Variants in ENGASE observed in about 807,000 individuals in gnomAD.
The protein encoded by ENGASE is cytosolic endo-beta-N-acetylglucosaminidase.
In ENGASE, 69 loss-of-function variants were observed where a neutral mutation model predicts 78.5. That is an observed-to-expected ratio of 0.88 (90% CI 0.72 to 1.07). The LOEUF is 1.07. ENGASE is among the 50% of genes least tolerant of loss of function. ENGASE has a pLI of 0.00. For missense variants in ENGASE, 943 were observed against 988.4 expected, an observed-to-expected ratio of 0.95 and a Z score of 0.62; for synonymous variants, 408 against 408.9, an observed-to-expected ratio of 1.00 and a Z score of 0.03.
intron 13 of ENGASE, 52 bp from the exon 14 acceptor site, chr17:79,085,881 C>A: frequency 6.4e-7 from 1 of 1,573,628 alleles, no homozygotes; most frequent in Non-Finnish European, 8.6e-7. Context: ...CGTGGGGGCA[C>A]CCTCTCCCCG....
intron 11 of ENGASE, 47 bp downstream of exon 11, chr17:79,084,733 CAG>C (rs773100662): frequency 6.3e-7 from 1 of 1,597,990 alleles, no homozygotes; most frequent in Admixed American, 1.8e-5. Flanking sequence ...GCGGAGAGCT[CAG>C]GGAAGAGAAG....
chr17:79,077,628 C>A, intron 2 of ENGASE, 35 bp from the exon 3 acceptor site: 1 of 1,609,704 alleles, frequency 6.2e-7, no homozygotes, highest in Non-Finnish European at 8.5e-7. Flanking sequence ...ATAATAGTTT[C>A]CATTAATTGC....
At chr17:79,081,405 G>T (rs1481361798) in intron 6 of ENGASE, among the ~76,000 whole-genome samples, 1 of 152,300 alleles carries the variant, frequency 6.6e-6, no homozygotes, top group Non-Finnish European at 1.5e-5. Context: ...GGGAGGCTGA[G>T]GCAGGAGAAT....
rs1359511381 is a variant in ENGASE, at chr17:79,080,857, G to A, written c.724-68G>A. On this transcript the variant is annotated intron_variant, in intron 5 of 13. Coordinates refer to ENST00000579016, the MANE Select transcript of ENGASE (RefSeq NM_001042573.3). ...CTCTGCATCCCCCTGTCTGTCCAGCGCTGGATACTTCTCATGATAGATAGA... is the reference window on the plus strand; with the variant it reads ...CTCTGCATCCCCCTGTCTGTCCAGCACTGGATACTTCTCATGATAGATAGA... 8.4e-6 allele frequency: 13 copies of A among 1,545,682 alleles called. 1 individual carries two copies. The highest frequency in any genetic ancestry group is 6.8e-5 in the East Asian group (3 of 43,888).
Position 79,085,243 on chromosome 17 carries a change from G to A in ENGASE, c.1601G>A (p.Ser534Asn), listed in dbSNP as rs2073260465. ...GGISVLNAETSSRHSLRPLRV... is the reference protein window; with the variant it reads ...GGISVLNAETNSRHSLRPLRV... ...GTGTCTCCTTCTGCAGCAGAAACAA[G>A]CTCAAGACACAGCCTCCGACCCCTC... Residue 534 changes from serine to asparagine, a missense_variant, in exon 12 of 14, where the codon AGC (serine) becomes AAC (asparagine). Ser to Asn is a conservative substitution (Grantham distance 46). Transcript: ENST00000579016. 1.2e-6 allele frequency: 2 copies of A among 1,613,214 alleles called. No homozygotes were observed. Among genetic ancestry groups the A allele is most frequent in the South Asian group, 2.2e-5 (2 of 91,084 alleles).
chr17:79,075,771 CTG>C, intron 1 of ENGASE: 3 of 985,424 alleles, frequency 3.0e-6, no homozygotes, highest in Non-Finnish European at 3.6e-6. Flanking sequence ...AGTGAGACTG[CTG>C]AGCATTTCAG....
At position 79,084,177 on chromosome 17, in the gene ENGASE, C is replaced by T. The variant is rs1599347317; in HGVS notation, c.1442+226C>T. ...TAACTCTGCGTACGTTGCTACGTGA[C>T]AGATCCCTAGAACTGTGTCATCTTG... On this transcript the variant is annotated intron_variant, in intron 10 of 13. Transcript: ENST00000579016. 7.1e-6 allele frequency: 4 copies of T among 566,456 alleles called. 1 individual carries two copies. The East Asian group carries it at 9.3e-5, about 13-fold the overall frequency. The allele number at this position is 566,456 out of a possible 1,614,324, so 35.1% of individuals were successfully genotyped here.
intron 10 of ENGASE, 70 bp downstream of exon 10, chr17:79,084,021 C>A: frequency 7.2e-7 from 1 of 1,385,102 alleles, no homozygotes; most frequent in Non-Finnish European, 1.0e-6. Context: ...TGGAACTGGA[C>A]AGATGGGGCA....
rs571947044 is a variant in ENGASE at position 79,075,116 on chromosome 17, C to A, written c.146+26C>A. The stretch of plus-strand genomic sequence containing the variant: ...GTGGGGCTGCGGGGCCCGCGTGAAC[C>A]CCGATCCGCGGGGCTGAGAGTCCGT... On this transcript the variant is annotated intron_variant, in intron 1 of 13. Coordinates refer to ENST00000579016, the MANE Select transcript of ENGASE (RefSeq NM_001042573.3). 6.8e-5 allele frequency: 82 copies of A among 1,204,674 alleles called. No homozygotes were observed. In the African/African-American group the frequency reaches 1.2e-3, roughly 18 times the overall value. The allele number at this position is 1,204,674 out of a possible 1,614,324, so 74.6% of individuals were successfully genotyped here.
At chr17:79,081,402 T>C (rs1006767098) in intron 6 of ENGASE, among the ~76,000 whole-genome samples, 6 of 152,114 alleles carry the variant, frequency 3.9e-5, no homozygotes, top group African/African-American at 1.4e-4. Context: ...CTCGGGAGGC[T>C]GAGGCAGGAG....
At chr17:79,082,658 T>C in intron 7 of ENGASE, 1 of 1,305,862 alleles carries the variant, frequency 7.7e-7, no homozygotes, top group Non-Finnish European at 1.0e-6. Context: ...TAATTTAGCT[T>C]TAAATGAGTA....
rs372087729 is a variant in ENGASE, at chr17:79,086,034, C to T, written c.1917C>T (p.Pro639=). ...CATCCGCCTCTGAGCGGGAGGGGCCCCCTGCTCTGCTCCAGCTCAGCTGCA... is the reference window on the plus strand; with the variant it reads ...CATCCGCCTCTGAGCGGGAGGGGCCTCCTGCTCTGCTCCAGCTCAGCTGCA... ...WQPSASEREG[P]PALLQLSCTL... The change falls in exon 14 of 14, where the codon CCC becomes CCT. Residue 639 remains proline (P), a synonymous_variant. Transcript: ENST00000579016. 1,469 of 1,613,154 alleles carry T rather than the reference C, an allele frequency of 9.1e-4. 1 individual carries two copies. Among genetic ancestry groups the T allele is most frequent in the Non-Finnish European group, 1.2e-3 (1,391 of 1,180,040 alleles).
chr17:79,077,072 T>C (rs925844497), intron 1 of ENGASE, among the ~76,000 whole-genome samples: 9 of 152,164 alleles, frequency 5.9e-5, no homozygotes, highest in African/African-American at 2.2e-4. Context: ...GGTTTTGCCA[T>C]GTTGGCCAGG....
At chr17:79,079,950 C>T (rs537739566) in intron 4 of ENGASE, among the ~76,000 whole-genome samples, 8 of 152,262 alleles carry the variant, frequency 5.3e-5, no homozygotes, top group African/African-American at 9.6e-5. Context: ...GGCCCAAGGG[C>T]CACGGTTTGC....
intron 12 of ENGASE, 115 bp from the exon 13 acceptor site, chr17:79,085,505 G>A (rs1050004263): frequency 9.7e-5 from 142 of 1,460,582 alleles, no homozygotes; most frequent in Non-Finnish European, 1.2e-4. Flanking sequence ...TCGGCCTGGG[G>A]TCCCCCATGA....
rs374494890 is a variant in ENGASE at position 79,086,046 on chromosome 17, C to A, written c.1929C>A (p.Leu643=). The A allele has an allele frequency of 3.3e-5, 53 of 1,613,168 alleles. No homozygotes were observed. Among genetic ancestry groups the A allele is most frequent in the Non-Finnish European group, 4.2e-5 (50 of 1,180,046 alleles). ...ASEREGPPAL[L]QLSCTLHWSF... ...AGCGGGAGGGGCCCCCTGCTCTGCT[C>A]CAGCTCAGCTGCACCCTGCACTGGT... Residue 643 remains leucine (L), a synonymous_variant, in exon 14 of 14, where the codon CTC becomes CTA. Coordinates refer to ENST00000579016, the MANE Select transcript of ENGASE (RefSeq NM_001042573.3).
rs751846454 is a variant in ENGASE at position 79,080,349 on chromosome 17, C to T, written c.708C>T (p.Ile236=). Residue 236 remains isoleucine (I), a synonymous_variant, in exon 5 of 14, where the codon ATC becomes ATT. Transcript: ENST00000579016. The part of the protein sequence containing the change: ...FFRFDGWLIN[I]ENSLSLAAVG... The stretch of plus-strand genomic sequence containing the variant: ...GTTTTGATGGCTGGCTGATCAACAT[C>T]GAGAACTCGCTGAGTGTGAGTGCCC... 3.6e-5 allele frequency: 58 copies of T among 1,613,288 alleles called. No homozygotes were observed. Among genetic ancestry groups the T allele is most frequent in the African/African-American group, 8.0e-5 (6 of 74,902 alleles).
At chr17:79,080,786 C>T (rs1181156928) in intron 5 of ENGASE, 139 bp from the exon 6 acceptor site, 45 of 1,148,812 alleles carry the variant, frequency 3.9e-5, no homozygotes, top group Non-Finnish European at 5.0e-5. Context: ...GGGGCTGTGG[C>T]GGGGAGGGCC....
At chr17:79,080,722 CCTT>C (rs2073106192) in intron 5 of ENGASE, among the ~76,000 whole-genome samples, 200 bp from the exon 6 acceptor site, 1 of 152,212 alleles carries the variant, frequency 6.6e-6, no homozygotes, top group Non-Finnish European at 1.5e-5. Context: ...GTGTTCATGT[CCTT>C]CTTGCCGCAA....
Sources: allele counts gnomAD v4.1 joint callset (sites outside exome capture counted in the v4.1 genomes callset), GRCh38; gene constraint gnomAD v4.1.1; transcripts MANE v1.5; gene names NCBI Gene and HGNC (gene_info 2026-07-23, HGNC 2026-07-21).